SH3GL3: variants seen among roughly 807,000 people sequenced by gnomAD.
SH3GL3 encodes SH3 domain containing GRB2 like 3, endophilin A3.
SH3GL3 carries 33 observed loss-of-function variants against 47.7 expected under a neutral mutation model. The observed-to-expected ratio is 0.69, with a 90% confidence interval of 0.52 to 0.92. The LOEUF is 0.92. Ranked by LOEUF, SH3GL3 falls within the 40% of genes least tolerant of loss-of-function variation. The pLI is 0.00. For synonymous variants in SH3GL3, 155 were observed against 148.8 expected, an observed-to-expected ratio of 1.04 and a Z score of -0.30; for missense variants, 363 against 417.8, an observed-to-expected ratio of 0.87 and a Z score of 1.14.
the SH3GL3 span, among the ~76,000 whole-genome samples, chr15:83,629,322 G>GTCAT: frequency 6.6e-6 from 1 of 152,120 alleles, no homozygotes; most frequent in South Asian, 2.1e-4. Flanking sequence ...GTAAAATAGA[G>GTCAT]TCATCAAATC....
At chr15:83,604,483 C>G (rs1249223552) in intron 8 of SH3GL3, among the ~76,000 whole-genome samples, 6 of 152,140 alleles carry the variant, frequency 3.9e-5, no homozygotes, top group African/African-American at 1.2e-4. Flanking sequence ...TAAAGTATCC[C>G]TTAAGGTCAT....
At chr15:83,492,411 T>C (rs1465672942) in intron 1 of SH3GL3, among the ~76,000 whole-genome samples, 1 of 150,738 alleles carries the variant, frequency 6.6e-6, no homozygotes, top group Non-Finnish European at 1.5e-5. Flanking sequence ...ATTTCTTCAG[T>C]AAATACATGG....
At chr15:83,612,028 G>C (rs201866777) in intron 8 of SH3GL3, among the ~76,000 whole-genome samples, 3 of 116,144 alleles carry the variant, frequency 2.6e-5, no homozygotes, top group African/African-American at 9.2e-5. Context: ...AAAAAAAAAA[G>C]CTTTAAAATC....
intron 8 of SH3GL3, among the ~76,000 whole-genome samples, chr15:83,608,193 A>G (rs2060577034): frequency 1.3e-5 from 2 of 152,340 alleles, no homozygotes; most frequent in South Asian, 2.1e-4. Context: ...TCAATAAATC[A>G]CATCTCCTGT....
At chr15:83,596,573 G>C (rs1596327104) in intron 8 of SH3GL3, among the ~76,000 whole-genome samples, 1 of 152,104 alleles carries the variant, frequency 6.6e-6, no homozygotes, top group Non-Finnish European at 1.5e-5. Flanking sequence ...TTCCTCATTC[G>C]CATTGACCCT....
chr15:83,583,426 G>A (rs2059884048), intron 6 of SH3GL3, among the ~76,000 whole-genome samples: 2 of 152,216 alleles, frequency 1.3e-5, no homozygotes, highest in South Asian at 4.1e-4. Flanking sequence ...GTTACAGTAT[G>A]CAGTCCTTTG....
chr15:83,493,815 G>A (rs2041975834), intron 1 of SH3GL3, among the ~76,000 whole-genome samples: 1 of 152,202 alleles, frequency 6.6e-6, no homozygotes, highest in African/African-American at 2.4e-5. Context: ...CAGGTTGTGG[G>A]CCTTCTCCTG....
intron 1 of SH3GL3, among the ~76,000 whole-genome samples, chr15:83,555,470 A>C (rs1286529319): frequency 1.3e-5 from 2 of 151,958 alleles, no homozygotes; most frequent in Admixed American, 6.6e-5. Flanking sequence ...TCTTGTGCTC[A>C]CTTCTCTCTA....
At chr15:83,514,011 C>T (rs1431059651) in intron 1 of SH3GL3, among the ~76,000 whole-genome samples, 1 of 152,106 alleles carries the variant, frequency 6.6e-6, no homozygotes, top group Non-Finnish European at 1.5e-5. Flanking sequence ...TTTGTTCTTT[C>T]CATCTGTGCT....
At chr15:83,478,122 A>G (rs1187023969) in intron 1 of SH3GL3, among the ~76,000 whole-genome samples, 3 of 152,156 alleles carry the variant, frequency 2.0e-5, no homozygotes, top group African/African-American at 7.2e-5. Context: ...CGAAAGCTGA[A>G]GGGACAGGGT....
chr15:83,481,985 A>G (rs2041379732), intron 1 of SH3GL3, among the ~76,000 whole-genome samples: 1 of 152,180 alleles, frequency 6.6e-6, no homozygotes, highest in Non-Finnish European at 1.5e-5. Flanking sequence ...TTATTACTTA[A>G]CAGAAAGATG....
the SH3GL3 span, among the ~76,000 whole-genome samples, chr15:83,627,011 C>T: frequency 6.6e-6 from 1 of 152,142 alleles, no homozygotes; most frequent in Admixed American, 6.5e-5. Flanking sequence ...CTCTGTGGCT[C>T]TAATTCTCCC....
At chr15:83,598,017 G>A (rs2060277655) in intron 8 of SH3GL3, among the ~76,000 whole-genome samples, 1 of 152,148 alleles carries the variant, frequency 6.6e-6, no homozygotes, top group African/African-American at 2.4e-5. Context: ...ATGATTCTTG[G>A]CTCTGTGCAC....
At chr15:83,502,562 T>G (rs1227539191) in intron 1 of SH3GL3, among the ~76,000 whole-genome samples, 13 of 151,900 alleles carry the variant, frequency 8.6e-5, no homozygotes, top group Admixed American at 4.6e-4. Flanking sequence ...GGGCCTGGGG[T>G]TTTTGTTTTG....
intron 1 of SH3GL3, among the ~76,000 whole-genome samples, chr15:83,501,395 CTT>C (rs1190411331): frequency 6.6e-6 from 1 of 152,060 alleles, no homozygotes; most frequent in Non-Finnish European, 1.5e-5. Flanking sequence ...CTCTTCCTGA[CTT>C]ATATATTTAA....
intron 8 of SH3GL3, among the ~76,000 whole-genome samples, chr15:83,605,395 G>A (rs1312958486): frequency 1.3e-5 from 2 of 152,120 alleles, no homozygotes; most frequent in African/African-American, 4.8e-5. Flanking sequence ...GCATTAATGG[G>A]AAATTACTTT....
intron 1 of SH3GL3, among the ~76,000 whole-genome samples, chr15:83,476,626 G>C (rs969699696): frequency 6.6e-6 from 1 of 152,222 alleles, no homozygotes; most frequent in African/African-American, 2.4e-5. Flanking sequence ...TAAAACATGT[G>C]ATAATTACAT....
chr15:83,627,852 AAACT>A, the SH3GL3 span, among the ~76,000 whole-genome samples: 1 of 152,250 alleles, frequency 6.6e-6, no homozygotes, highest in Non-Finnish European at 1.5e-5. Context: ...AGTTTGAAAC[AAACT>A]GAGGCATAAA....
At chr15:83,617,807 T>C (rs572695915) in intron 8 of SH3GL3, among the ~76,000 whole-genome samples, 2 of 152,346 alleles carry the variant, frequency 1.3e-5, no homozygotes, top group South Asian at 4.1e-4. Context: ...CAGGTGGAGC[T>C]GACTGGCTGC....
Sources: allele counts gnomAD v4.1 joint callset (sites outside exome capture counted in the v4.1 genomes callset), GRCh38; gene constraint gnomAD v4.1.1; transcripts MANE v1.5; gene names NCBI Gene and HGNC (gene_info 2026-07-23, HGNC 2026-07-21).